Variants in CCDC83 observed in about 807,000 individuals in gnomAD.
The protein encoded by CCDC83 is coiled-coil domain-containing protein 83.
A neutral mutation model predicts 50.1 loss-of-function variants in CCDC83; 54 were observed. The ratio of observed to expected loss-of-function variants is 1.08; its 90% CI spans 0.87 to 1.35. The LOEUF is 1.35. CCDC83 is among the 40% of genes most tolerant of loss of function. CCDC83 has a pLI of 0.00. For synonymous variants in CCDC83, 161 were observed against 153.3 expected, an observed-to-expected ratio of 1.05 and a Z score of -0.37; for missense variants, 518 against 473.9, an observed-to-expected ratio of 1.09 and a Z score of -0.86.
chr11:85,883,962 T>C (rs1408225298), intron 4 of CCDC83, among the ~76,000 whole-genome samples: 1 of 152,230 alleles, frequency 6.6e-6, no homozygotes, highest in Admixed American at 6.5e-5. Context: ...TGGTAGATAG[T>C]ATATTTTGCA....
At chr11:85,912,691 TCTG>T in intron 8 of CCDC83, 2 of 1,612,662 alleles carry the variant, frequency 1.2e-6, no homozygotes, top group Non-Finnish European at 8.5e-7. Context: ...ATCCTCGTCA[TCTG>T]CTGCTGCTGC....
intron 3 of CCDC83, among the ~76,000 whole-genome samples, chr11:85,874,989 T>C (rs998063556): frequency 3.3e-5 from 5 of 152,164 alleles, no homozygotes; most frequent in Non-Finnish European, 7.3e-5. Flanking sequence ...CAGGAAGAGG[T>C]AGGCATGCAG....
At chr11:85,904,146 C>T (rs2093414771) in intron 7 of CCDC83, among the ~76,000 whole-genome samples, 1 of 152,082 alleles carries the variant, frequency 6.6e-6, no homozygotes, top group Non-Finnish European at 1.5e-5. Context: ...GGGTTTTGTT[C>T]TTGACTGCTT....
chr11:85,867,681 A>G (rs147480575), intron 2 of CCDC83, among the ~76,000 whole-genome samples: 276 of 152,348 alleles, frequency 1.8e-3, no homozygotes, highest in African/African-American at 6.3e-3. Flanking sequence ...ATTTGCTCCC[A>G]TGGTGTAACT....
At chr11:85,879,405 T>C (rs528215310) in intron 3 of CCDC83, among the ~76,000 whole-genome samples, 23 of 152,192 alleles carry the variant, frequency 1.5e-4, no homozygotes, top group Non-Finnish European at 2.9e-4. Flanking sequence ...CTTTCCTGCA[T>C]TGAATTGCTC....
rs754883549 is a variant in CCDC83, at chr11:85,865,097, T to C, written c.-27T>C. On this transcript the variant is annotated splice_region_variant and 5_prime_UTR_variant, in exon 2 of 11. Transcript: ENST00000342404. ...TTCGTATGTCTCCTTTCTAAACAGG[T>C]ATATTTCTTCATAGCTAACCAGCAC... is the stretch of plus-strand genomic sequence containing the variant. 13 of 1,435,788 alleles carry C rather than the reference T, an allele frequency of 9.1e-6. No homozygotes were observed. The highest frequency in any genetic ancestry group is 1.7e-4 in the Middle Eastern group (1 of 5,716). 88.9% of individuals were successfully genotyped at this position (1,435,788 alleles called of 1,614,324 possible).
intron 3 of CCDC83, among the ~76,000 whole-genome samples, chr11:85,876,744 A>T (rs1321936783): frequency 6.6e-6 from 1 of 152,214 alleles, no homozygotes; most frequent in Non-Finnish European, 1.5e-5. Flanking sequence ...ACCTCAAGTG[A>T]TCCATTTGCC....
At chr11:85,895,431 C>T (rs2093369729) in intron 6 of CCDC83, 47 bp downstream of exon 6, 1 of 1,227,764 alleles carries the variant, frequency 8.1e-7, no homozygotes, top group East Asian at 2.4e-5. Flanking sequence ...ACATTTTCCC[C>T]CTATTTTTTC....
chr11:85,915,572 T>C (rs1296399933), intron 9 of CCDC83, 74 bp downstream of exon 9: 13 of 1,057,044 alleles, frequency 1.2e-5, no homozygotes, highest in Non-Finnish European at 1.8e-5. Context: ...CACTTACCTA[T>C]TGTGAGCAGG....
Position 85,868,792 on chromosome 11 carries a change from G to A in CCDC83, c.95+3574G>A, listed in dbSNP as rs149102763. Among the ~76,000 whole-genome samples the A allele has an allele frequency of 1.6e-4, 24 of 152,342 alleles. No individual in the cohort carries two copies. In the East Asian group the frequency reaches 4.1e-3, roughly 26 times the overall value. On this transcript the variant is annotated intron_variant, in intron 2 of 10. Transcript: ENST00000342404. ...CTCCTGAAATGTTAGGATTACAGGC[G>A]TGAGCCACTGCGCCCAGCCCAGATT... is the stretch of plus-strand genomic sequence containing the variant.
chr11:85,900,056 T>C (rs2093393904), intron 7 of CCDC83, among the ~76,000 whole-genome samples: 1 of 152,182 alleles, frequency 6.6e-6, no homozygotes, highest in Non-Finnish European at 1.5e-5. Context: ...CGAGAAGGTA[T>C]TGCTTGGGCC....
intron 6 of CCDC83, among the ~76,000 whole-genome samples, chr11:85,898,669 C>CATTTCACATGATAGCAGAATCA (rs2093386405): frequency 1.3e-5 from 2 of 152,312 alleles, no homozygotes; most frequent in Admixed American, 1.3e-4. Context: ...CATGATTTCA[C>CATTTCACATGATAGCAGAATCA]CATAGCAGTC....
chr11:85,910,114 T>C (rs56395100), intron 7 of CCDC83, among the ~76,000 whole-genome samples: 61,543 of 152,062 alleles, frequency 0.4, 13,188 homozygotes, highest in Non-Finnish European at 0.46. Flanking sequence ...CCCTGCTTAG[T>C]TTTCAGGATC....
chr11:85,916,026 A>C lies in CCDC83; in HGVS notation c.875-2A>C, dbSNP rs758465070. On this transcript the variant is annotated splice_acceptor_variant, in intron 9 of 10. Coordinates refer to ENST00000342404, the MANE Select transcript of CCDC83 (RefSeq NM_001286159.2). LOFTEE classifies it high-confidence loss of function. The stretch of plus-strand genomic sequence containing the variant: ...TAATTAATTCCTTTGTATTTATCCA[A>C]GAAGAGAAGTCAGAATTGCAACCCA... 4.4e-6 allele frequency: 7 copies of C among 1,591,852 alleles called. No homozygotes were observed. The highest frequency in any genetic ancestry group is 1.7e-4 in the Middle Eastern group (1 of 6,042).
At chr11:85,882,998 A>C (rs1050992274) in intron 4 of CCDC83, among the ~76,000 whole-genome samples, 1 of 152,100 alleles carries the variant, frequency 6.6e-6, no homozygotes, top group Non-Finnish European at 1.5e-5. Context: ...GCTTACTGCA[A>C]TCTTAACCTC....
intron 7 of CCDC83, among the ~76,000 whole-genome samples, chr11:85,901,785 T>C (rs976087543): frequency 6.6e-6 from 1 of 151,810 alleles, no homozygotes; most frequent in Admixed American, 6.6e-5. Context: ...TCCCAACACA[T>C]TGGGAAGCTG....
At chr11:85,891,504 G>T (rs2093350300) in intron 5 of CCDC83, among the ~76,000 whole-genome samples, 1 of 152,126 alleles carries the variant, frequency 6.6e-6, no homozygotes, top group Non-Finnish European at 1.5e-5. Flanking sequence ...AGAAGGTGAG[G>T]GGTTATTACA....
At chr11:85,873,317 T>C (rs751574927) in intron 3 of CCDC83, 22 bp downstream of exon 3, 2 of 991,600 alleles carry the variant, frequency 2.0e-6, no homozygotes, top group South Asian at 1.7e-5. Context: ...ATTTAGAACC[T>C]ATATATAGTC....
At chr11:85,900,323 A>G (rs1265569707) in intron 7 of CCDC83, among the ~76,000 whole-genome samples, 1 of 152,206 alleles carries the variant, frequency 6.6e-6, no homozygotes, top group Non-Finnish European at 1.5e-5. Flanking sequence ...CTCTGAGAAC[A>G]CTAAACAAAT....
Sources: allele counts gnomAD v4.1 joint callset (sites outside exome capture counted in the v4.1 genomes callset), GRCh38; gene constraint gnomAD v4.1.1; transcripts MANE v1.5; gene names NCBI Gene and HGNC (gene_info 2026-07-23, HGNC 2026-07-21).